The following LARS1 variants were observed in gnomAD, a reference collection of about 807,000 sequenced individuals.
The protein encoded by LARS1 is leucine--tRNA ligase, cytoplasmic.
LARS1 carries 100 observed loss-of-function variants against 162.8 expected under a neutral mutation model. The observed-to-expected ratio is 0.61, with a 90% confidence interval of 0.52 to 0.73. The LOEUF (loss-of-function observed/expected upper bound fraction) is 0.73. Ranked by LOEUF, LARS1 falls within the 30% of genes least tolerant of loss-of-function variation. LARS1 has a pLI of 0.00. For missense variants in LARS1, 1,258 were observed against 1,408.9 expected, an observed-to-expected ratio of 0.89 and a Z score of 1.71; for synonymous variants, 457 against 462.8, an observed-to-expected ratio of 0.99 and a Z score of 0.16.
chr5:146,120,306 T>C, intron 31 of LARS1, 65 bp downstream of exon 31: 18 of 1,549,030 alleles, frequency 1.2e-5, no homozygotes, highest in Non-Finnish European at 1.6e-5. Flanking sequence ...TTCTTTTTCC[T>C]TTCTGCTTAG....
chr5:146,128,651 A>G (rs1246514216), intron 27 of LARS1, 21 bp downstream of exon 27: 2 of 1,486,348 alleles, frequency 1.3e-6, no homozygotes, highest in East Asian at 2.4e-5. Flanking sequence ...TCAGGGGGGA[A>G]AAGTCTACTG....
At chr5:146,159,742 G>C (rs953887252) in intron 7 of LARS1, among the ~76,000 whole-genome samples, 1 of 151,916 alleles carries the variant, frequency 6.6e-6, no homozygotes, top group Admixed American at 6.6e-5. Context: ...AACATAAATT[G>C]ACTTAACAAA....
chr5:146,114,719 A>C (rs1436102093), intron 31 of LARS1, among the ~76,000 whole-genome samples: 1 of 151,998 alleles, frequency 6.6e-6, no homozygotes, highest in African/African-American at 2.4e-5. Flanking sequence ...CTGGGCAACA[A>C]AGTGAGACTC....
chr5:146,148,673 G>GT (rs1327435719), intron 15 of LARS1, among the ~76,000 whole-genome samples: 2 of 152,022 alleles, frequency 1.3e-5, no homozygotes, highest in East Asian at 3.9e-4. Context: ...GGGAAAGAGT[G>GT]TAACTTTGAT....
intron 26 of LARS1, 92 bp from the exon 27 acceptor site, chr5:146,128,874 T>C (rs1168994361): frequency 5.6e-6 from 8 of 1,419,744 alleles, no homozygotes; most frequent in Middle Eastern, 1.8e-4. Flanking sequence ...ACCACGGTCT[T>C]CACCATTAAT....
At chr5:146,118,496 T>C (rs1751672172) in intron 31 of LARS1, among the ~76,000 whole-genome samples, 1 of 152,206 alleles carries the variant, frequency 6.6e-6, no homozygotes, top group African/African-American at 2.4e-5. Flanking sequence ...CATTTCAAAA[T>C]AGCTGTAAGA....
chr5:146,172,846 G>C, intron 2 of LARS1, 72 bp from the exon 3 acceptor site: 1 of 676,438 alleles, frequency 1.5e-6, no homozygotes, highest in Non-Finnish European at 2.3e-6. Context: ...TAAGGAAGTG[G>C]GGTGAAGGAA....
At chr5:146,114,555 A>T (rs956367109) in intron 31 of LARS1, among the ~76,000 whole-genome samples, 6 of 151,822 alleles carry the variant, frequency 4.0e-5, no homozygotes, top group Non-Finnish European at 7.4e-5. Context: ...CCAACATGGC[A>T]AAACACCATC....
At chr5:146,157,008 TACA>T (rs1230800626) in intron 10 of LARS1, among the ~76,000 whole-genome samples, 1 of 152,174 alleles carries the variant, frequency 6.6e-6, no homozygotes, top group Non-Finnish European at 1.5e-5. Context: ...GAACTATTCC[TACA>T]ACATGTATGA....
At chr5:146,174,264 G>A (rs899700440) in intron 2 of LARS1, among the ~76,000 whole-genome samples, 1 of 148,842 alleles carries the variant, frequency 6.7e-6, no homozygotes, top group African/African-American at 2.5e-5. Context: ...AGCCTAACGT[G>A]GAGAAAACCC....
Position 146,151,882 on chromosome 5 carries a change from G to T in LARS1, c.1405C>A (p.Leu469Ile), listed in dbSNP as rs1753304838. The T allele has an allele frequency of 1.2e-6, 2 of 1,613,720 alleles. No homozygotes were observed. Among genetic ancestry groups the T allele is most frequent in the Non-Finnish European group, 1.7e-6 (2 of 1,179,828 alleles). ...KLAEAKEKIY[L>I]KGFYEGIMLV... ...CTTACACCCTCATAAAATCCTTTTA[G>T]ATATATCTTCTCCTTTGCTTCTGCA... The change falls in exon 14 of 32, where the codon CTA becomes ATA. Residue 469 changes from leucine to isoleucine, a missense_variant. Transcript: ENST00000394434.
chr5:146,164,489 A>C lies in LARS1; in HGVS notation c.433-18T>G. 6.2e-7 allele frequency: 1 copy of C among 1,610,906 alleles called. No individual in the cohort carries two copies. Among genetic ancestry groups the C allele is most frequent in the East Asian group, 2.2e-5 (1 of 44,850 alleles). ...GCTTTACTCTGAAAATAATGGAGAA[A>C]AATAAACTCGATCAAAGAATAACCA... is the stretch of plus-strand genomic sequence containing the variant. On this transcript the variant is annotated intron_variant, in intron 5 of 31. Coordinates refer to ENST00000394434, the MANE Select transcript of LARS1 (RefSeq NM_020117.11).
intron 4 of LARS1, among the ~76,000 whole-genome samples, chr5:146,171,639 G>C (rs1754284382): frequency 6.6e-6 from 1 of 152,214 alleles, no homozygotes; most frequent in South Asian, 2.1e-4. Flanking sequence ...AACAGAATCA[G>C]TTATTACCTA....
At chr5:146,156,888 A>G (rs548263943) in intron 10 of LARS1, among the ~76,000 whole-genome samples, 1 of 152,094 alleles carries the variant, frequency 6.6e-6, no homozygotes, top group African/African-American at 2.4e-5. Flanking sequence ...TCTCTTGGGG[A>G]GGACTGCCTA....
At chr5:146,142,570 G>C (rs1224553645) in intron 20 of LARS1, among the ~76,000 whole-genome samples, 1 of 152,128 alleles carries the variant, frequency 6.6e-6, no homozygotes, top group East Asian at 1.9e-4. Context: ...CTAAAGAGAA[G>C]GTTCTTTCCA....
At chr5:146,130,634 G>C (rs530326475) in intron 24 of LARS1, 1 of 175,364 alleles carries the variant, frequency 5.7e-6, no homozygotes, top group East Asian at 1.6e-4. Flanking sequence ...TGCCAAACTT[G>C]AGGAAATACT....
intron 6 of LARS1, among the ~76,000 whole-genome samples, 198 bp downstream of exon 6, chr5:146,164,112 T>C (rs1294583577): frequency 6.6e-6 from 1 of 152,152 alleles, no homozygotes; most frequent in Non-Finnish European, 1.5e-5. Context: ...GTTTGAAATA[T>C]TAAAATAATT....
At chr5:146,150,942 G>GAC (rs3995492) in intron 14 of LARS1, among the ~76,000 whole-genome samples, 18,789 of 134,644 alleles carry the variant, frequency 0.14, 1,359 homozygotes, top group Middle Eastern at 0.21. Flanking sequence ...CCGTCAGATA[G>GAC]ACACACACAC....
chr5:146,150,610 C>T (rs966606804), intron 14 of LARS1, among the ~76,000 whole-genome samples: 19 of 124,354 alleles, frequency 1.5e-4, no homozygotes, highest in African/African-American at 5.5e-4. Flanking sequence ...CTGGGCGACA[C>T]AGCAAGACTC....
Sources: allele counts gnomAD v4.1 joint callset (sites outside exome capture counted in the v4.1 genomes callset), GRCh38; gene constraint gnomAD v4.1.1; transcripts MANE v1.5; gene names NCBI Gene and HGNC (gene_info 2026-07-23, HGNC 2026-07-21).